The following CLIC5 variants were observed in gnomAD, a reference collection of about 807,000 sequenced individuals.
CLIC5 encodes the protein CLIC family member 5.
In CLIC5, 20 loss-of-function variants were observed where a neutral mutation model predicts 24.7. The ratio of observed to expected loss-of-function variants is 0.81; its 90% CI spans 0.57 to 1.18. The LOEUF is 1.18. Among genes scored for constraint, CLIC5 ranks in the 50% most tolerant of loss-of-function variants. CLIC5 has a pLI of 0.00. For missense variants in CLIC5, 341 were observed against 326.1 expected (o/e 1.05, Z -0.35); for synonymous variants, 159 against 135.6 (o/e 1.17, Z -1.20).
intron 1 of CLIC5, among the ~76,000 whole-genome samples, chr6:45,976,809 TC>T (rs1465442702): frequency 3.3e-5 from 5 of 152,198 alleles, no homozygotes; most frequent in African/African-American, 1.2e-4. Context: ...CTATGAGGTT[TC>T]CTAACATTAA....
chr6:46,005,998 A>G (rs1356105028), intron 1 of CLIC5, among the ~76,000 whole-genome samples: 7 of 115,570 alleles, frequency 6.1e-5, no homozygotes, highest in South Asian at 2.8e-4. Flanking sequence ...ATATATATAT[A>G]TTTATATATA....
chr6:45,917,430 A>T (rs915838113), intron 4 of CLIC5, among the ~76,000 whole-genome samples: 1 of 152,152 alleles, frequency 6.6e-6, no homozygotes, highest in Admixed American at 6.5e-5. Context: ...TGAATATCCC[A>T]AGGTGCAGTG....
At chr6:45,960,838 G>T (rs1011186764) in intron 1 of CLIC5, among the ~76,000 whole-genome samples, 1 of 152,190 alleles carries the variant, frequency 6.6e-6, no homozygotes, top group African/African-American at 2.4e-5. Context: ...AGCGACTCCA[G>T]ACCAGCTCTG....
chr6:46,073,730 C>T (rs1351247303), intron 1 of CLIC5, among the ~76,000 whole-genome samples: 3 of 152,210 alleles, frequency 2.0e-5, no homozygotes, highest in African/African-American at 7.2e-5. Context: ...TGCTCTTCAC[C>T]TATGTGGGCC....
chr6:46,039,216 G>A (rs542897884), intron 1 of CLIC5, among the ~76,000 whole-genome samples: 4 of 152,062 alleles, frequency 2.6e-5, no homozygotes, highest in South Asian at 2.1e-4. Context: ...AATAACATGA[G>A]GGAAAATATA....
Position 45,948,870 on chromosome 6 carries a change from ATTCTGTCAGGCTTTCGGCTCTGG to A in CLIC5, c.299+363_299+385del, listed in dbSNP as rs545679201. On this transcript the variant is annotated intron_variant, in intron 3 of 5. Transcript: ENST00000339561. ...GGTTACCCTTTCCTGACTTATTTTCATTCTGTCAGGCTTTCGGCTCTGGTTCTGAAATGAAGGAAACTTTGTCC... is the reference window on the plus strand; with the variant it reads ...GGTTACCCTTTCCTGACTTATTTTCATTCTGAAATGAAGGAAACTTTGTCC... Among the ~76,000 whole-genome samples the A allele has an allele frequency of 4.7e-3, 715 of 152,100 alleles. 6 individuals are homozygous for A. The highest frequency in any genetic ancestry group is 7.8e-3 in the Non-Finnish European group (532 of 68,000).
At chr6:45,997,273 A>T (rs1257989570) in intron 1 of CLIC5, among the ~76,000 whole-genome samples, 1 of 149,022 alleles carries the variant, frequency 6.7e-6, no homozygotes, top group South Asian at 2.2e-4. Context: ...CAAACACCGC[A>T]TATTCTCACT....
At chr6:45,884,618 TGAGACCC>T (rs1384599875) in intron 6 of CLIC5, among the ~76,000 whole-genome samples, 1 of 152,156 alleles carries the variant, frequency 6.6e-6, no homozygotes, top group Non-Finnish European at 1.5e-5. Context: ...GCAGTAGCCA[TGAGACCC>T]TCAGAATTCA....
intron 4 of CLIC5, among the ~76,000 whole-genome samples, chr6:45,926,471 T>G (rs1410899392): frequency 1.3e-5 from 2 of 151,798 alleles, no homozygotes; most frequent in South Asian, 2.1e-4. Flanking sequence ...TTGGCCAGGC[T>G]GGTCTTGAAC....
In CLIC5 at chr6:45,914,387, C is replaced by G. The variant is rs1762938195; in HGVS notation, c.429G>C (p.Lys143Asn). Residue 143 changes from lysine to asparagine, a missense_variant, in exon 5 of 6, where the codon AAG (lysine) becomes AAC (asparagine). Transcript: ENST00000339561. ...NNAALERGLTKALKKLDDYLN... is the reference protein window; with the variant it reads ...NNAALERGLTNALKKLDDYLN... ...GGTAGTCATCCAATTTCTTTAGAGC[C>G]TTGGTTAGGCCTCTTTCAAGAGCTG... 6.3e-7 allele frequency: 1 copy of G among 1,582,636 alleles called. No individual in the cohort carries two copies. Among genetic ancestry groups the G allele is most frequent in the Non-Finnish European group, 8.6e-7 (1 of 1,157,358 alleles).
chr6:45,898,778 A>G lies in CLIC5; in HGVS notation c.*4310T>C, dbSNP rs1762437591. On this transcript the variant is annotated 3_prime_UTR_variant, in exon 6 of 6. Coordinates refer to ENST00000339561, the MANE Select transcript of CLIC5 (RefSeq NM_016929.5). The stretch of plus-strand genomic sequence containing the variant: ...ACAACGAGGTGGCCAGGAAAGTAAG[A>G]CAAATTCAAACATCAGCTGGATAAT... The G allele has an allele frequency of 6.6e-6, 1 of 152,668 alleles. No homozygotes were observed. The highest frequency in any genetic ancestry group is 6.5e-5 in the Admixed American group (1 of 15,286). 9.5% of individuals were successfully genotyped at this position (152,668 alleles called of 1,614,324 possible).
chr6:46,032,764 T>C (rs1767540578), intron 1 of CLIC5, among the ~76,000 whole-genome samples: 2 of 152,182 alleles, frequency 1.3e-5, no homozygotes, highest in African/African-American at 4.8e-5. Flanking sequence ...CGAGAGGAAC[T>C]TAGTGAGCTA....
chr6:46,027,300 G>A (rs1166897630), intron 1 of CLIC5, among the ~76,000 whole-genome samples: 1 of 152,180 alleles, frequency 6.6e-6, no homozygotes, highest in Non-Finnish European at 1.5e-5. Context: ...AGACCTGAAA[G>A]ATGAAAAGGA....
chr6:46,110,545 A>C, the CLIC5 span, among the ~76,000 whole-genome samples: 1 of 152,226 alleles, frequency 6.6e-6, no homozygotes, highest in Admixed American at 6.5e-5. Context: ...GCATATTTTC[A>C]GGTATGACCA....
intron 1 of CLIC5, among the ~76,000 whole-genome samples, chr6:46,025,795 C>T (rs575957680): frequency 4.6e-5 from 7 of 152,218 alleles, no homozygotes; most frequent in South Asian, 4.1e-4. Flanking sequence ...ATCATGAGGA[C>T]GAATTTCCCC....
At chr6:46,084,052 T>C (rs569709201), upstream of CLIC5, among the ~76,000 whole-genome samples, 1 of 152,314 alleles carries the variant, frequency 6.6e-6, no homozygotes, top group East Asian at 1.9e-4. Flanking sequence ...TCTCTTTTGA[T>C]CTTTGTTGGT....
chr6:45,958,459 T>C (rs867098421), intron 1 of CLIC5, among the ~76,000 whole-genome samples: 3,192 of 16,160 alleles, frequency 0.2, 388 homozygotes, highest in African/African-American at 0.37. Context: ...TATATATATA[T>C]ATATATATAT....
At chr6:46,110,725 T>G in the CLIC5 span, among the ~76,000 whole-genome samples, 1 of 152,138 alleles carries the variant, frequency 6.6e-6, no homozygotes, top group East Asian at 1.9e-4. Context: ...ATTTACCCAA[T>G]TCATGTGGAT....
the CLIC5 span, among the ~76,000 whole-genome samples, chr6:46,094,454 G>A: frequency 2.0e-5 from 3 of 152,180 alleles, no homozygotes; most frequent in Admixed American, 6.5e-5. Flanking sequence ...AAATACAATG[G>A]GGATATAGGC....
Sources: gnomAD v4.1 joint callset for allele counts (sites outside exome capture counted in the v4.1 genomes callset) on GRCh38, gnomAD v4.1.1 for gene constraint, MANE v1.5 for transcripts, NCBI Gene and HGNC (gene_info 2026-07-23, HGNC 2026-07-21) for gene names.